ASIC2: variants seen among roughly 807,000 people sequenced by gnomAD.
ASIC2 encodes the protein acid sensing ion channel subunit 2, also known as acid-sensing ion channel 2.
ASIC2 carries 25 observed loss-of-function variants against 57.3 expected under a neutral mutation model. The observed-to-expected ratio is 0.44, with a 90% CI of 0.32 to 0.61. ASIC2 has a LOEUF of 0.61. Ranked by LOEUF, ASIC2 falls within the 20% of genes least tolerant of loss-of-function variation. ASIC2 has a pLI of 0.06. For missense variants in ASIC2, 641 were observed against 738.1 expected (o/e 0.87, Z 1.52); for synonymous variants, 319 against 307.5 (o/e 1.04, Z -0.39).
intron 1 of ASIC2, among the ~76,000 whole-genome samples, chr17:33,313,716 A>G (rs932739689): frequency 6.6e-6 from 1 of 152,122 alleles, no homozygotes; most frequent in Non-Finnish European, 1.5e-5. Context: ...CTCTGCTCTC[A>G]TATTTTCTTT....
chr17:33,429,487 T>C (rs1269743352), intron 1 of ASIC2, among the ~76,000 whole-genome samples: 1 of 152,020 alleles, frequency 6.6e-6, no homozygotes, highest in Non-Finnish European at 1.5e-5. Flanking sequence ...ATCTCCTGGG[T>C]TCACGCCATT....
At chr17:33,078,123 T>C (rs535152956) in intron 3 of ASIC2, among the ~76,000 whole-genome samples, 1 of 152,026 alleles carries the variant, frequency 6.6e-6, no homozygotes, top group South Asian at 2.1e-4. Flanking sequence ...GTCCCCTGAG[T>C]AAGATAAAGT....
At chr17:33,882,593 T>C (rs1225369107) in intron 1 of ASIC2, among the ~76,000 whole-genome samples, 5 of 152,164 alleles carry the variant, frequency 3.3e-5, no homozygotes, top group Admixed American at 6.5e-5. Context: ...ATGGCGATCA[T>C]TAAAAAGTCA....
At chr17:33,831,160 T>G (rs542800562) in intron 1 of ASIC2, among the ~76,000 whole-genome samples, 21 of 141,696 alleles carry the variant, frequency 1.5e-4, no homozygotes, top group African/African-American at 5.4e-4. Context: ...CTTACAAATT[T>G]GGCTGCCCTT....
chr17:33,240,623 C>T (rs1391392906), intron 1 of ASIC2, among the ~76,000 whole-genome samples: 6 of 152,198 alleles, frequency 3.9e-5, no homozygotes, highest in African/African-American at 1.4e-4. Flanking sequence ...CCTGATCTGC[C>T]TGTGGGGCCA....
intron 1 of ASIC2, among the ~76,000 whole-genome samples, chr17:33,602,655 A>C (rs889508886): frequency 6.6e-6 from 1 of 152,162 alleles, no homozygotes; most frequent in Non-Finnish European, 1.5e-5. Flanking sequence ...CATCACCCAC[A>C]AAAGACCTCT....
intron 1 of ASIC2, among the ~76,000 whole-genome samples, chr17:34,076,512 T>C (rs1909661741): frequency 6.6e-6 from 1 of 152,224 alleles, no homozygotes; most frequent in African/African-American, 2.4e-5. Context: ...CTCTCTCTGC[T>C]GGTAGGCAAC....
chr17:33,465,095 C>A (rs1446115027), intron 1 of ASIC2, among the ~76,000 whole-genome samples: 2 of 143,510 alleles, frequency 1.4e-5, no homozygotes, highest in Admixed American at 1.4e-4. Context: ...GCTGACAGTT[C>A]CTGGATAACT....
At chr17:33,409,435 A>G (rs533689622) in intron 1 of ASIC2, among the ~76,000 whole-genome samples, 1 of 152,288 alleles carries the variant, frequency 6.6e-6, no homozygotes, top group South Asian at 2.1e-4. Flanking sequence ...ACCTTGTCTG[A>G]GAAAACTCCA....
intron 1 of ASIC2, chr17:33,834,109 T>G (rs1397196338): frequency 6.6e-6 from 1 of 152,258 alleles, no homozygotes; most frequent in African/African-American, 2.4e-5. Flanking sequence ...ATGGGCATGT[T>G]TAGACAGTTT....
intron 1 of ASIC2, among the ~76,000 whole-genome samples, chr17:33,120,667 G>A (rs2092298607): frequency 6.6e-6 from 1 of 152,238 alleles, no homozygotes; most frequent in South Asian, 2.1e-4. Flanking sequence ...TTGGACCACA[G>A]CTTGGCTGGT....
intron 1 of ASIC2, among the ~76,000 whole-genome samples, chr17:33,609,367 C>G (rs1012016996): frequency 1.3e-5 from 2 of 152,194 alleles, no homozygotes; most frequent in Non-Finnish European, 2.9e-5. Context: ...TGACTGCCCT[C>G]CCGCTTGCCC....
chr17:33,180,704 G>A (rs765855798), intron 1 of ASIC2, among the ~76,000 whole-genome samples: 1 of 152,110 alleles, frequency 6.6e-6, no homozygotes, highest in Admixed American at 6.6e-5. Context: ...CATCTATTTG[G>A]GGACCCTCTG....
At chr17:33,174,828 G>A (rs1018206830) in intron 1 of ASIC2, among the ~76,000 whole-genome samples, 2 of 152,144 alleles carry the variant, frequency 1.3e-5, no homozygotes, top group Admixed American at 1.3e-4. Flanking sequence ...ACGTGAGCAA[G>A]AAATGAGCTT....
chr17:34,034,466 C>T (rs112757737), intron 1 of ASIC2, among the ~76,000 whole-genome samples: 21,067 of 152,180 alleles, frequency 0.14, 1,598 homozygotes, highest in East Asian at 0.29. Context: ...CAGGGATGCC[C>T]TCTCTCACCA....
chr17:34,066,683 G>A (rs1340066946), intron 1 of ASIC2, among the ~76,000 whole-genome samples: 3 of 152,200 alleles, frequency 2.0e-5, no homozygotes, highest in African/African-American at 4.8e-5. Context: ...TGACAGCTGA[G>A]TCATGGAGTC....
At chr17:33,344,184 C>T (rs1481917807) in intron 1 of ASIC2, among the ~76,000 whole-genome samples, 1 of 152,176 alleles carries the variant, frequency 6.6e-6, no homozygotes, top group Non-Finnish European at 1.5e-5. Flanking sequence ...CATGCATTCC[C>T]CAGTGCCCAA....
chr17:33,408,458 T>C (rs1379377145), intron 1 of ASIC2, among the ~76,000 whole-genome samples: 2 of 152,234 alleles, frequency 1.3e-5, no homozygotes, highest in African/African-American at 4.8e-5. Flanking sequence ...TACTTAGCTA[T>C]GTGAGCTCAG....
intron 1 of ASIC2, among the ~76,000 whole-genome samples, chr17:33,987,903 G>T (rs1000180303): frequency 3.3e-5 from 5 of 152,162 alleles, no homozygotes; most frequent in Admixed American, 6.5e-5. Flanking sequence ...GGTATATTCA[G>T]AATAATAAAC....
Sources: gnomAD v4.1 joint callset for allele counts (sites outside exome capture counted in the v4.1 genomes callset) on GRCh38, gnomAD v4.1.1 for gene constraint, MANE v1.5 for transcripts, NCBI Gene and HGNC (gene_info 2026-07-23, HGNC 2026-07-21) for gene names.